Variants in AGAP3 observed in about 807,000 individuals in gnomAD.
AGAP3 encodes the protein ArfGAP with GTPase domain, ankyrin repeat and PH domain 3, also known as arf-GAP with GTPase, ANK repeat and PH domain-containing protein 3.
A neutral mutation model predicts 96.9 loss-of-function variants in AGAP3; 24 were observed. The observed-to-expected ratio is 0.25, with a 90% confidence interval of 0.18 to 0.35. The LOEUF (loss-of-function observed/expected upper bound fraction) is 0.35, where lower values mean the gene tolerates loss of function less well. AGAP3 is among the 10% of genes least tolerant of loss of function. The pLI is 1.00. For missense variants in AGAP3, 876 were observed against 1,254.2 expected (o/e 0.70, Z 4.55); for synonymous variants, 563 against 536.1 (o/e 1.05, Z -0.69).
chr7:151,094,133 C>T (rs1207457504), intron 1 of AGAP3, among the ~76,000 whole-genome samples: 3 of 152,096 alleles, frequency 2.0e-5, no homozygotes, highest in East Asian at 1.9e-4. Context: ...AAAGCTCTGC[C>T]GCTTGGTAGT....
chr7:151,100,045 T>C (rs1361007086), intron 1 of AGAP3, among the ~76,000 whole-genome samples: 2 of 152,100 alleles, frequency 1.3e-5, no homozygotes, highest in Non-Finnish European at 2.9e-5. Context: ...ACGGATCCCT[T>C]CCTACCCGCT....
In AGAP3 at chr7:151,141,618, C is replaced by G; in HGVS notation, c.1805-280C>G. The G allele has an allele frequency of 2.2e-6, 1 of 459,090 alleles. No homozygotes were observed. The highest frequency in any genetic ancestry group is 4.0e-6 in the Non-Finnish European group (1 of 249,474). The allele number at this position is 459,090 out of a possible 1,614,324, so 28.4% of individuals were successfully genotyped here. On this transcript the variant is annotated intron_variant, in intron 13 of 17. Transcript: ENST00000397238. This position sits in a 1 kb window ranked among gnomAD's most constrained non-coding sequence, Gnocchi z 4.2. ...CCCTCTCTGGTTTCACACCCATTCC[C>G]GGCAGTGCCAGGGGTGCCAAGATCT... is the stretch of plus-strand genomic sequence containing the variant.
chr7:151,097,887 T>C (rs762718206), intron 1 of AGAP3, among the ~76,000 whole-genome samples: 31 of 152,330 alleles, frequency 2.0e-4, no homozygotes, highest in Non-Finnish European at 3.2e-4. Flanking sequence ...TCTATTAATA[T>C]ATAAATATCT....
At chr7:151,119,888 C>T (rs1799787014) in intron 7 of AGAP3, 99 bp from the exon 8 acceptor site, 1 of 1,229,612 alleles carries the variant, frequency 8.1e-7, no homozygotes, top group South Asian at 1.4e-5. Context: ...CCCATGAGCC[C>T]CGGCCAGGCC....
At position 151,141,469 on chromosome 7, in the gene AGAP3, G is replaced by A. The variant is rs1347938513; in HGVS notation, c.1805-429G>A. The A allele has an allele frequency of 5.6e-6, 1 of 177,970 alleles. No individual in the cohort carries two copies. Among genetic ancestry groups the A allele is most frequent in the African/African-American group, 2.4e-5 (1 of 42,210 alleles). 11.0% of individuals were successfully genotyped at this position (177,970 alleles called of 1,614,324 possible). A position where few individuals can be genotyped will look rare whatever the true frequency, so the allele number is the denominator to read the frequency against. On this transcript the variant is annotated intron_variant, in intron 13 of 17. Coordinates refer to ENST00000397238, the MANE Select transcript of AGAP3 (RefSeq NM_031946.7). This position sits in a 1 kb window ranked among gnomAD's most constrained non-coding sequence, Gnocchi z 4.2. ...TGGGTTTAATGAGCTGCAAAATGAG[G>A]CGGCTGCAGCTGACATGTACGGATG...
chr7:151,117,055 C>G (rs749174435), intron 2 of AGAP3, 40 bp from the exon 3 acceptor site: 10 of 1,591,586 alleles, frequency 6.3e-6, no homozygotes, highest in Non-Finnish European at 8.6e-6. Context: ...TCCCTCGTGC[C>G]CTCTGCCCTC....
chr7:151,116,707 G>A (rs778199777), intron 1 of AGAP3, 86 bp from the exon 2 acceptor site: 68 of 1,492,060 alleles, frequency 4.6e-5, no homozygotes, highest in Non-Finnish European at 6.2e-5. Flanking sequence ...GGCTTGGGGA[G>A]GGCATCATAG....
At chr7:151,122,557 C>CTCCTTGTCCTTCTCCTCT (rs373996707) in intron 8 of AGAP3, among the ~76,000 whole-genome samples, 109 of 151,922 alleles carry the variant, frequency 7.2e-4, no homozygotes, top group African/African-American at 2.4e-3. Flanking sequence ...TCTCCTCCTC[C>CTCCTTGTCCTTCTCCTCT]TCCTTGTCCT....
rs1798148058 is a variant in AGAP3 at position 151,086,498 on chromosome 7, C to G, written c.-244C>G. Among the ~76,000 whole-genome samples, 1 of 147,820 alleles carries G rather than the reference C, an allele frequency of 6.8e-6. No homozygotes were observed. Among genetic ancestry groups the G allele is most frequent in the South Asian group, 2.1e-4 (1 of 4,830 alleles). On this transcript the variant is annotated 5_prime_UTR_variant, in exon 1 of 18. Transcript: ENST00000397238. ...TTGTTGTTGCCGCTGGAGGCTGCTCCGAGGCAGCGGGATCACGGCGCTGGG... is the reference window on the plus strand; with the variant it reads ...TTGTTGTTGCCGCTGGAGGCTGCTCGGAGGCAGCGGGATCACGGCGCTGGG...
Position 151,140,085 on chromosome 7 carries a change from C to T in AGAP3, c.1773C>T (p.Pro591=). The T allele has an allele frequency of 1.9e-6, 3 of 1,604,238 alleles. No individual in the cohort carries two copies. Among genetic ancestry groups the T allele is most frequent in the Non-Finnish European group, 2.6e-6 (3 of 1,175,806 alleles). Residue 591 remains proline (P), a synonymous_variant, in exon 13 of 18, where the codon CCC becomes CCT. Transcript: ENST00000397238. This position sits in a 1 kb window ranked among gnomAD's most constrained non-coding sequence, Gnocchi z 5.4. Reference sequence around the variant, plus strand: ...GGAGGAAAAAGAGCACCGGGACCCCCCGACCAGACGGCCCCAGCAGTGCTA... The same window carrying T: ...GGAGGAAAAAGAGCACCGGGACCCCTCGACCAGACGGCCCCAGCAGTGCTA... The part of the protein sequence containing the change: ...KHRRKKSTGT[P]RPDGPSSATE...
intron 1 of AGAP3, among the ~76,000 whole-genome samples, chr7:151,098,613 T>G (rs763324599): frequency 7.9e-5 from 12 of 151,946 alleles, no homozygotes; most frequent in Non-Finnish European, 2.9e-5. Context: ...ATCACACCAC[T>G]ACACTCCAGC....
At chr7:151,113,903 G>A (rs1799411288) in intron 1 of AGAP3, among the ~76,000 whole-genome samples, 1 of 152,174 alleles carries the variant, frequency 6.6e-6, no homozygotes. Flanking sequence ...ACGTCAGGCT[G>A]GAGCCAGTAC....
intron 5 of AGAP3, 149 bp downstream of exon 5, chr7:151,117,926 C>G: frequency 8.4e-7 from 1 of 1,188,456 alleles, no homozygotes; most frequent in Non-Finnish European, 1.1e-6. Context: ...CCGTGCTGCT[C>G]GTGTCTGAGG....
chr7:151,123,950 C>A lies in AGAP3; in HGVS notation c.1221+64C>A, dbSNP rs1453254176. On this transcript the variant is annotated intron_variant, in intron 9 of 17. Coordinates refer to ENST00000397238, the MANE Select transcript of AGAP3 (RefSeq NM_031946.7). Reference sequence around the variant, plus strand: ...TGAGGCCCAGGAATGTGGCGCTTCCCAGGGCCTCTTCTCAGGCCTCTGTGA... The same window carrying A: ...TGAGGCCCAGGAATGTGGCGCTTCCAAGGGCCTCTTCTCAGGCCTCTGTGA... 4 of 1,513,680 alleles carry A rather than the reference C, an allele frequency of 2.6e-6. No homozygotes were observed. In the East Asian group the frequency reaches 9.2e-5, roughly 35 times the overall value. 93.8% of individuals were successfully genotyped at this position (1,513,680 alleles called of 1,614,324 possible).
chr7:151,139,903 C>T lies in AGAP3; in HGVS notation c.1667-76C>T. 1.5e-6 allele frequency: 2 copies of T among 1,337,514 alleles called. No homozygotes were observed. The highest frequency in any genetic ancestry group is 9.8e-7 in the Non-Finnish European group (1 of 1,023,082). The allele number at this position is 1,337,514 out of a possible 1,614,324, so 82.9% of individuals were successfully genotyped here. On this transcript the variant is annotated intron_variant, in intron 12 of 17. Transcript: ENST00000397238. The surrounding 1 kb of genome is among the most constrained non-coding windows in gnomAD (Gnocchi z 4.9). Reference sequence around the variant, plus strand: ...TACAGTTGGCAGGACTGGTCCTCTCCTCCTCCCAGTGCCCTGCGCCCCTCC... The same window carrying T: ...TACAGTTGGCAGGACTGGTCCTCTCTTCCTCCCAGTGCCCTGCGCCCCTCC...
Position 151,128,564 on chromosome 7 carries a change from A to C in AGAP3, c.1222-16A>C. 1 of 1,612,240 alleles carries C rather than the reference A, an allele frequency of 6.2e-7. No homozygotes were observed. The highest frequency in any genetic ancestry group is 8.5e-7 in the Non-Finnish European group (1 of 1,178,722). On this transcript the variant is annotated splice_polypyrimidine_tract_variant and intron_variant, in intron 9 of 17. Transcript: ENST00000397238. Reference sequence around the variant, plus strand: ...GGGGGCTGGCTCCTGGTTTCTGATCAGACCTCTGTTCTCAGGGGATCCTGC... The same window carrying C: ...GGGGGCTGGCTCCTGGTTTCTGATCCGACCTCTGTTCTCAGGGGATCCTGC...
chr7:151,114,228 G>A lies in AGAP3; in HGVS notation c.332-2565G>A, dbSNP rs967170859. ...ACAGGACCACCTCGTTGAAGCTCGC[G>A]TGCTGCAGACGAGGACACGCGCGCA... On this transcript the variant is annotated intron_variant, in intron 1 of 17. Transcript: ENST00000397238. The surrounding 1 kb of genome is among the most constrained non-coding windows in gnomAD (Gnocchi z 4.4). Among the ~76,000 whole-genome samples the A allele has an allele frequency of 6.6e-6, 1 of 152,228 alleles. No homozygotes were observed. Among genetic ancestry groups the A allele is most frequent in the Non-Finnish European group, 1.5e-5 (1 of 68,048 alleles).
chr7:151,111,258 CTGTT>C (rs1305266984), intron 1 of AGAP3, among the ~76,000 whole-genome samples: 6 of 152,282 alleles, frequency 3.9e-5, no homozygotes, highest in African/African-American at 1.4e-4. Context: ...AAGGGCCTGA[CTGTT>C]TGGGAGGGCC....
At chr7:151,117,073 C>G (rs1252468038) in intron 2 of AGAP3, 22 bp from the exon 3 acceptor site, 4 of 1,610,756 alleles carry the variant, frequency 2.5e-6, no homozygotes, top group Middle Eastern at 3.3e-4. Context: ...CTCTGACCCA[C>G]TCACCCCTTC....
Sources: allele counts gnomAD v4.1 joint callset (sites outside exome capture counted in the v4.1 genomes callset), GRCh38; gene constraint gnomAD v4.1.1; non-coding constraint Gnocchi (gnomAD v3.1); transcripts MANE v1.5; gene names NCBI Gene and HGNC (gene_info 2026-07-23, HGNC 2026-07-21).